Variants in PLEKHG1 observed in about 807,000 individuals in gnomAD.
PLEKHG1 encodes pleckstrin homology domain-containing family G member 1.
PLEKHG1 carries 44 observed loss-of-function variants against 100.8 expected under a neutral mutation model. The ratio of observed to expected loss-of-function variants is 0.44; its 90% CI spans 0.34 to 0.56. PLEKHG1 has a LOEUF of 0.56. Ranked by LOEUF, PLEKHG1 falls within the 20% of genes least tolerant of loss-of-function variation. The pLI, the probability that PLEKHG1 is intolerant of heterozygous loss-of-function variation, is 0.01. For synonymous variants in PLEKHG1, 640 were observed against 662.5 expected (o/e 0.97, Z 0.52); for missense variants, 1,545 against 1,720.9 (o/e 0.90, Z 1.81).
At chr6:150,724,915 C>G (rs1781886075) in intron 1 of PLEKHG1, among the ~76,000 whole-genome samples, 1 of 152,202 alleles carries the variant, frequency 6.6e-6, no homozygotes, top group African/African-American at 2.4e-5. Flanking sequence ...CACCCCTTAG[C>G]TAAGGCAATT....
At chr6:150,800,053 G>T (rs753576758) in intron 5 of PLEKHG1, among the ~76,000 whole-genome samples, 2 of 152,178 alleles carry the variant, frequency 1.3e-5, no homozygotes, top group Non-Finnish European at 2.9e-5. Context: ...CATCTGAGGC[G>T]CACTCCGTAG....
intron 3 of PLEKHG1, among the ~76,000 whole-genome samples, chr6:150,773,644 A>G (rs1036093397): frequency 3.3e-5 from 5 of 152,194 alleles, no homozygotes; most frequent in Non-Finnish European, 5.9e-5. Context: ...GATCAAGCCC[A>G]CATACATTGC....
chr6:150,732,052 C>A (rs1272767787), intron 1 of PLEKHG1, among the ~76,000 whole-genome samples: 1 of 150,896 alleles, frequency 6.6e-6, no homozygotes, highest in Non-Finnish European at 1.5e-5. Context: ...AGCTCCGCCT[C>A]CCGGGTTCAC....
chr6:150,627,959 A>T (rs747638015), intron 1 of PLEKHG1, among the ~76,000 whole-genome samples: 2 of 152,206 alleles, frequency 1.3e-5, no homozygotes, highest in Non-Finnish European at 2.9e-5. Context: ...TGGGATGCAG[A>T]CTTCATTCTG....
exon 6 of PLEKHG1, chr6:150,800,863 T>C (rs1786659637): frequency 6.2e-7 from 1 of 1,613,910 alleles, no homozygotes; most frequent in East Asian, 2.2e-5. Flanking sequence ...ATCATCTCCT[T>C]CTGCATGTAA....
chr6:150,745,626 T>C (rs1371071233), intron 2 of PLEKHG1, among the ~76,000 whole-genome samples: 2 of 149,420 alleles, frequency 1.3e-5, no homozygotes, highest in African/African-American at 2.5e-5. Context: ...GAGGTTGCAG[T>C]GAGCCTAGAT....
At chr6:150,651,471 T>A (rs1233396111) in intron 3 of PLEKHG1, among the ~76,000 whole-genome samples, 1 of 152,074 alleles carries the variant, frequency 6.6e-6, no homozygotes, top group East Asian at 1.9e-4. Context: ...TGACCTCAAG[T>A]GAGCCATCCA....
chr6:150,785,507 A>G lies in PLEKHG1; in HGVS notation c.513-883A>G, dbSNP rs111634190. Among the ~76,000 whole-genome samples the G allele has an allele frequency of 1.3e-3, 201 of 152,354 alleles. 1 individual carries two copies. The highest frequency in any genetic ancestry group is 4.3e-3 in the African/African-American group (177 of 41,590). ...TGGTACAGTCACACAATGAAGTATTATGCTGTTACTTAAAATAATGATACT... is the reference window on the plus strand; with the variant it reads ...TGGTACAGTCACACAATGAAGTATTGTGCTGTTACTTAAAATAATGATACT... On this transcript the variant is annotated intron_variant, in intron 3 of 15. Transcript: ENST00000358517.
intron 2 of PLEKHG1, among the ~76,000 whole-genome samples, chr6:150,643,493 C>A (rs1003762789): frequency 1.3e-5 from 2 of 152,172 alleles, no homozygotes; most frequent in African/African-American, 4.8e-5. Flanking sequence ...TCATAAATTG[C>A]ATTTACATGC....
Position 150,840,208 on chromosome 6 carries a change from G to A in PLEKHG1, c.3470G>A (p.Trp1157Ter). The A allele has an allele frequency of 6.2e-7, 1 of 1,614,206 alleles. No homozygotes were observed. Among genetic ancestry groups the A allele is most frequent in the Non-Finnish European group, 8.5e-7 (1 of 1,180,040 alleles). The change falls in exon 16 of 16, where the codon TGG becomes TAG. Residue 1157 changes from tryptophan to a stop codon, truncating the protein, a stop_gained. Coordinates refer to ENST00000358517, the Ensembl canonical transcript of PLEKHG1. LOFTEE classifies it low-confidence loss of function (END_TRUNC). ...GTAAGTCAGCCCAACAAAGAGAACTGGTGTCAGGACCATCTTTACAACTCC... is the reference window on the plus strand; with the variant it reads ...GTAAGTCAGCCCAACAAAGAGAACTAGTGTCAGGACCATCTTTACAACTCC...
chr6:150,627,506 C>CT (rs1436377739), intron 1 of PLEKHG1, among the ~76,000 whole-genome samples: 2 of 151,868 alleles, frequency 1.3e-5, no homozygotes, highest in East Asian at 3.9e-4. Context: ...TAGCAGTGGC[C>CT]TTTAAAAAAA....
chr6:150,696,184 T>C (rs1229813445), intron 3 of PLEKHG1, among the ~76,000 whole-genome samples: 1 of 152,156 alleles, frequency 6.6e-6, no homozygotes, highest in Non-Finnish European at 1.5e-5. Context: ...AGTCCACATA[T>C]CCTTTAAATG....
intron 7 of PLEKHG1, 124 bp from the exon 9 acceptor site, chr6:150,808,981 G>A (rs574027228): frequency 6.2e-5 from 43 of 694,636 alleles, no homozygotes; most frequent in Middle Eastern, 2.5e-4. Flanking sequence ...CAGATACCAC[G>A]TAGATAGTTA....
Position 150,635,505 on chromosome 6 carries a change from T to C in PLEKHG1, c.-203-2575T>C, listed in dbSNP as rs114123055. On this transcript the variant is annotated intron_variant, in intron 1 of 3. Transcript: ENST00000367326. ...CTACTTTGAGCTAATTTTGTTCTTC[T>C]TAATGTTTCTAATCTCAGCTGTCTT... Among the ~76,000 whole-genome samples the C allele has an allele frequency of 6.8e-3, 1,033 of 152,354 alleles. 12 individuals carry two copies. The highest frequency in any genetic ancestry group is 0.024 in the African/African-American group (989 of 41,584).
chr6:150,748,746 C>T (rs376994382), intron 2 of PLEKHG1, among the ~76,000 whole-genome samples: 5 of 151,778 alleles, frequency 3.3e-5, no homozygotes, highest in South Asian at 2.1e-4. Flanking sequence ...TCAGCCTCCC[C>T]GAGTAGCTGG....
chr6:150,785,048 G>T (rs199650315), intron 3 of PLEKHG1, among the ~76,000 whole-genome samples: 1 of 121,440 alleles, frequency 8.2e-6, no homozygotes, highest in Admixed American at 8.5e-5. Flanking sequence ...AAAAAAAAAA[G>T]AGAGAGAGAG....
At chr6:150,653,328 C>T (rs1194883293) in intron 3 of PLEKHG1, among the ~76,000 whole-genome samples, 6 of 151,976 alleles carry the variant, frequency 3.9e-5, no homozygotes, top group Non-Finnish European at 1.5e-5. Flanking sequence ...GAGGAAGAGG[C>T]TCACAAAGGC....
chr6:150,708,965 TG>T (rs1485812883), intron 3 of PLEKHG1, among the ~76,000 whole-genome samples: 12 of 152,244 alleles, frequency 7.9e-5, no homozygotes, highest in Non-Finnish European at 1.8e-4. Context: ...TACTGTCAGA[TG>T]ATGTCGTCGA....
At chr6:150,837,027 T>C (rs1321024998) in intron 15 of PLEKHG1, among the ~76,000 whole-genome samples, 1 of 151,898 alleles carries the variant, frequency 6.6e-6, no homozygotes, top group Non-Finnish European at 1.5e-5. Flanking sequence ...CCAGGCGTGG[T>C]GGTGGGTGCC....
Sources: gnomAD v4.1 joint callset for allele counts (sites outside exome capture counted in the v4.1 genomes callset) on GRCh38, gnomAD v4.1.1 for gene constraint, MANE v1.5 for transcripts, NCBI Gene and HGNC (gene_info 2026-07-23, HGNC 2026-07-21) for gene names.